Variants in EYS observed in about 807,000 individuals in gnomAD.
The protein encoded by EYS is EGF-like photoreceptor maintenance factor.
In EYS, 250 loss-of-function variants were observed where a neutral mutation model predicts 282.1. The observed-to-expected ratio is 0.89, with a 90% CI of 0.80 to 0.98. The LOEUF is 0.98. Among genes scored for constraint, EYS ranks in the 50% least tolerant of loss-of-function variants. The probability of loss-of-function intolerance (pLI) is 0.00; values close to 1 mark genes in which losing one functional copy is unlikely to be tolerated. For synonymous variants in EYS, 1,355 were observed against 1,282.9 expected, an observed-to-expected ratio of 1.06 and a Z score of -1.20; for missense variants, 4,016 against 3,709.0, an observed-to-expected ratio of 1.08 and a Z score of -2.15.
chr6:64,000,902 C>T (rs894245952), intron 33 of EYS, among the ~76,000 whole-genome samples: 1 of 152,176 alleles, frequency 6.6e-6, no homozygotes, highest in African/African-American at 2.4e-5. Context: ...AATGCCAGCA[C>T]TTTGGGAGGC....
chr6:65,266,528 A>C (rs1767757564), intron 12 of EYS, among the ~76,000 whole-genome samples: 2 of 151,976 alleles, frequency 1.3e-5, no homozygotes. Flanking sequence ...TTTAAAAATA[A>C]AATTTTAAAT....
rs886428022 is a variant in EYS, at chr6:64,192,180, G to T, written c.6424+38412C>A. On this transcript the variant is annotated intron_variant, in intron 31 of 42. Coordinates refer to ENST00000503581, the MANE Select transcript of EYS (RefSeq NM_001142800.2). ...CGCCCACTTTTTGATGGGGTTGTTTGTTTTTTTCTTGTAAATTTGTTTGAG... is the reference window on the plus strand; with the variant it reads ...CGCCCACTTTTTGATGGGGTTGTTTTTTTTTTTCTTGTAAATTTGTTTGAG... Among the ~76,000 whole-genome samples the T allele has an allele frequency of 5.4e-5, 8 of 147,202 alleles. 1 individual carries two copies. In the East Asian group the frequency reaches 1.7e-3, roughly 31 times the overall value.
intron 35 of EYS, among the ~76,000 whole-genome samples, chr6:63,940,904 G>C (rs572435558): frequency 1.4e-5 from 2 of 140,780 alleles, no homozygotes; most frequent in South Asian, 4.4e-4. Flanking sequence ...TCATTGTTCA[G>C]TTCCCACCTA....
At chr6:64,773,963 T>G (rs1332116852) in intron 22 of EYS, among the ~76,000 whole-genome samples, 4 of 152,026 alleles carry the variant, frequency 2.6e-5, no homozygotes, top group Non-Finnish European at 5.9e-5. Flanking sequence ...CTTTTGTTTT[T>G]GTTGAAATTG....
At chr6:63,728,668 A>G (rs1768703113) in intron 41 of EYS, among the ~76,000 whole-genome samples, 1 of 152,198 alleles carries the variant, frequency 6.6e-6, no homozygotes, top group Admixed American at 6.5e-5. Context: ...TTTATTTACC[A>G]TTACAGTATC....
At chr6:64,615,334 G>A (rs2149847609) in intron 24 of EYS, among the ~76,000 whole-genome samples, 1 of 151,986 alleles carries the variant, frequency 6.6e-6, no homozygotes, top group South Asian at 2.1e-4. Flanking sequence ...AGATTAGTGG[G>A]GGAGGGAAAA....
At chr6:65,637,132 A>T (rs552889622) in intron 2 of EYS, among the ~76,000 whole-genome samples, 2 of 152,206 alleles carry the variant, frequency 1.3e-5, no homozygotes, top group Admixed American at 6.5e-5. Context: ...ACATTTATTT[A>T]TTATTTACTA....
chr6:65,589,343 C>T (rs1045262236), intron 2 of EYS, among the ~76,000 whole-genome samples: 2 of 152,146 alleles, frequency 1.3e-5, no homozygotes, highest in Non-Finnish European at 2.9e-5. Flanking sequence ...ACTCAGTGCT[C>T]TTCTTCAGCC....
Position 64,714,516 on chromosome 6 carries a change from CTTTTTTTTTTTT to C in EYS, c.3444-88283_3444-88272del, listed in dbSNP as rs55730437. On this transcript the variant is annotated intron_variant, in intron 22 of 42. Coordinates refer to ENST00000503581, the MANE Select transcript of EYS (RefSeq NM_001142800.2). The stretch of plus-strand genomic sequence containing the variant: ...TATTTGAAACACATTTTCTTTCTTT[CTTTTTTTTTTTT>C]TTTTTTTTTTTTTTTGAGACGGAGT... Among the ~76,000 whole-genome samples, 164 of 127,920 alleles carry C rather than the reference CTTTTTTTTTTTT, an allele frequency of 1.3e-3. 1 individual carries two copies. The highest frequency in any genetic ancestry group is 4.4e-3 in the African/African-American group (150 of 33,834). 83.9% of individuals were successfully genotyped at this position (127,920 alleles called of 152,430 possible).
chr6:64,717,445 A>G (rs1341290806), intron 22 of EYS, among the ~76,000 whole-genome samples: 1 of 152,228 alleles, frequency 6.6e-6, no homozygotes, highest in Non-Finnish European at 1.5e-5. Flanking sequence ...CACAGTTCAC[A>G]ATAGAGTTTG....
intron 12 of EYS, among the ~76,000 whole-genome samples, chr6:65,294,965 C>T (rs1768622419): frequency 6.6e-6 from 1 of 151,852 alleles, no homozygotes; most frequent in Admixed American, 6.6e-5. Flanking sequence ...GATGGCTATA[C>T]ATTTATTCCA....
At chr6:65,345,942 C>A (rs1247416295) in intron 9 of EYS, among the ~76,000 whole-genome samples, 2 of 151,812 alleles carry the variant, frequency 1.3e-5, no homozygotes, top group Non-Finnish European at 2.9e-5. Context: ...ATCTGAGAAT[C>A]TGATACTAAG....
intron 22 of EYS, among the ~76,000 whole-genome samples, chr6:64,709,499 A>G (rs1440684645): frequency 6.6e-6 from 1 of 152,136 alleles, no homozygotes; most frequent in Non-Finnish European, 1.5e-5. Flanking sequence ...TTAATTATTT[A>G]TATTCAATAG....
At chr6:65,107,611 G>A (rs986335713) in intron 12 of EYS, among the ~76,000 whole-genome samples, 1 of 151,276 alleles carries the variant, frequency 6.6e-6, no homozygotes, top group African/African-American at 2.4e-5. Flanking sequence ...CAGAGGCTGT[G>A]GTTTTACAGA....
intron 12 of EYS, among the ~76,000 whole-genome samples, chr6:65,231,190 A>AAT (rs1357505531): frequency 1.3e-4 from 16 of 122,438 alleles, no homozygotes; most frequent in Non-Finnish European, 1.6e-4. Context: ...ATATAAAGAA[A>AAT]ATATATATAT....
intron 35 of EYS, among the ~76,000 whole-genome samples, chr6:63,897,575 A>G (rs1773565759): frequency 6.6e-6 from 1 of 152,206 alleles, no homozygotes; most frequent in African/African-American, 2.4e-5. Context: ...TGAGTGTGCC[A>G]TAAGCCATCT....
At chr6:64,790,858 T>A (rs962432073) in intron 22 of EYS, among the ~76,000 whole-genome samples, 3 of 151,922 alleles carry the variant, frequency 2.0e-5, no homozygotes, top group Non-Finnish European at 4.4e-5. Context: ...TTCTTTTTAT[T>A]TATTTTGCAT....
chr6:65,314,898 G>T (rs1159995252), intron 11 of EYS, among the ~76,000 whole-genome samples: 20 of 151,946 alleles, frequency 1.3e-4, no homozygotes, highest in Admixed American at 5.2e-4. Flanking sequence ...TCCAAAGCCT[G>T]GTCAAAAGTA....
chr6:63,742,067 T>G lies in EYS; in HGVS notation c.8072-15387A>C, dbSNP rs994915553. 7.3e-6 allele frequency: 5 copies of G among 680,918 alleles called. No homozygotes were observed. The African/African-American group carries it at 8.8e-5, about 12-fold the overall frequency. 42.2% of individuals were successfully genotyped at this position (680,918 alleles called of 1,614,324 possible). On this transcript the variant is annotated intron_variant, in intron 41 of 42. Transcript: ENST00000503581. ...ATCTTCTGTCGTGGCAGACACTCTT[T>G]GGATCTTTGAAACCTCTTTAACTCT...
Sources: allele counts gnomAD v4.1 joint callset (sites outside exome capture counted in the v4.1 genomes callset), GRCh38; gene constraint gnomAD v4.1.1; transcripts MANE v1.5; gene names NCBI Gene and HGNC (gene_info 2026-07-23, HGNC 2026-07-21).